MPHOSPH10: variants seen among roughly 807,000 people sequenced by gnomAD.
The protein encoded by MPHOSPH10 is U3 small nucleolar ribonucleoprotein MPP10.
Under a neutral mutation model 77.3 loss-of-function variants are expected in MPHOSPH10, and 33 were observed. The observed-to-expected ratio is 0.43, with a 90% confidence interval of 0.32 to 0.57. The LOEUF is 0.57. Ranked by LOEUF, MPHOSPH10 falls within the 20% of genes least tolerant of loss-of-function variation. MPHOSPH10 has a pLI of 0.07. For synonymous variants in MPHOSPH10, 245 were observed against 268.0 expected (o/e 0.91, Z 0.84); for missense variants, 708 against 780.1 (o/e 0.91, Z 1.10).
intron 9 of MPHOSPH10, 192 bp from the exon 10 acceptor site, chr2:71,149,031 G>T: frequency 1.6e-6 from 1 of 613,122 alleles, no homozygotes; most frequent in Non-Finnish European, 2.9e-6. Context: ...GCCTGTCAAA[G>T]AATGCATTTC....
intron 6 of MPHOSPH10, among the ~76,000 whole-genome samples, 196 bp from the exon 7 acceptor site, chr2:71,141,036 A>C (rs958148743): frequency 6.6e-6 from 1 of 151,396 alleles, no homozygotes; most frequent in African/African-American, 2.4e-5. Flanking sequence ...TCTTTTTGCT[A>C]TAATTTGCTT....
chr2:71,132,077 C>T (rs1387614819), intron 1 of MPHOSPH10, among the ~76,000 whole-genome samples: 1 of 152,158 alleles, frequency 6.6e-6, no homozygotes, highest in Non-Finnish European at 1.5e-5. Context: ...TTTCTCTATT[C>T]TATATCTAAT....
intron 4 of MPHOSPH10, 59 bp downstream of exon 4, chr2:71,134,856 A>AT: frequency 2.3e-6 from 3 of 1,315,336 alleles, no homozygotes; most frequent in Non-Finnish European, 2.1e-6. Flanking sequence ...TTTGAAAACT[A>AT]TTAACCATCC....
At chr2:71,145,544 A>C (rs1439668632) in intron 8 of MPHOSPH10, among the ~76,000 whole-genome samples, 1 of 149,958 alleles carries the variant, frequency 6.7e-6, no homozygotes, top group African/African-American at 2.5e-5. Flanking sequence ...CTTTTAATCC[A>C]GTTGTAATTA....
intron 7 of MPHOSPH10, among the ~76,000 whole-genome samples, chr2:71,141,802 G>A (rs1225666168): frequency 6.6e-6 from 1 of 152,122 alleles, no homozygotes; most frequent in Non-Finnish European, 1.5e-5. Context: ...GGCTGAGGCG[G>A]GCGGATTGCT....
At chr2:71,132,545 A>G (rs1673408552) in intron 1 of MPHOSPH10, among the ~76,000 whole-genome samples, 1 of 152,210 alleles carries the variant, frequency 6.6e-6, no homozygotes, top group Non-Finnish European at 1.5e-5. Flanking sequence ...TTCCTTGACC[A>G]CTGTAGCCAA....
At chr2:71,136,569 CA>C (rs35061775) in intron 4 of MPHOSPH10, among the ~76,000 whole-genome samples, 44,984 of 151,074 alleles carry the variant, frequency 0.3, 6,843 homozygotes, top group Admixed American at 0.39. Context: ...CCAAGAATAT[CA>C]AAAGAATTGT....
chr2:71,149,889 A>G lies in MPHOSPH10; in HGVS notation c.1920A>G (p.Leu640=). 6.4e-7 allele frequency: 1 copy of G among 1,566,364 alleles called. No individual in the cohort carries two copies. Among genetic ancestry groups the G allele is most frequent in the Non-Finnish European group, 8.6e-7 (1 of 1,165,738 alleles). The stretch of plus-strand genomic sequence containing the variant: ...AGGATGAAGGTAAAGACAAGGCCTT[A>G]AAGTCCTCTCAAGCATTCTTTTCTA... ...FIKDEGKDKA[L]KSSQAFFSKL... is the part of the protein sequence containing the mutation. The change falls in exon 11 of 11, where the codon TTA becomes TTG. Residue 640 remains leucine (L), a synonymous_variant. Transcript: ENST00000244230.
intron 9 of MPHOSPH10, 65 bp downstream of exon 9, chr2:71,148,171 T>C: frequency 7.3e-7 from 1 of 1,371,274 alleles, no homozygotes; most frequent in Non-Finnish European, 1.0e-6. Context: ...CCAGACTCCA[T>C]TTATTTGACG....
chr2:71,136,728 TAAAG>T (rs1194075859), intron 4 of MPHOSPH10, among the ~76,000 whole-genome samples: 3 of 151,458 alleles, frequency 2.0e-5, no homozygotes, highest in Admixed American at 1.3e-4. Flanking sequence ...CCCCAACAAA[TAAAG>T]AAAGAAAGGT....
intron 4 of MPHOSPH10, among the ~76,000 whole-genome samples, chr2:71,136,720 C>T (rs1673498686): frequency 6.6e-6 from 1 of 151,940 alleles, no homozygotes; most frequent in Non-Finnish European, 1.5e-5. Context: ...CCGCCCTTCC[C>T]CAACAAATAA....
rs369708059 is a variant in MPHOSPH10 at position 71,138,801 on chromosome 2, G to A, written c.1240+170G>A. ...TGTAATCCCGGCACTTTGGGAGGCC[G>A]AGGCAGACGGATCACCTGAGGTCAG... On this transcript the variant is annotated intron_variant, in intron 5 of 10. Coordinates refer to ENST00000244230, the MANE Select transcript of MPHOSPH10 (RefSeq NM_005791.3). 2.9e-4 allele frequency: 250 copies of A among 872,212 alleles called. 2 individuals carry two copies. The highest frequency in any genetic ancestry group is 4.0e-4 in the Non-Finnish European group (218 of 541,364). 54.0% of individuals were successfully genotyped at this position (872,212 alleles called of 1,614,324 possible). A position where few individuals can be genotyped will look rare whatever the true frequency, so the allele number is the denominator to read the frequency against.
chr2:71,133,779 A>AGT (rs1673433878), intron 2 of MPHOSPH10, among the ~76,000 whole-genome samples, 169 bp from the exon 3 acceptor site: 1 of 152,114 alleles, frequency 6.6e-6, no homozygotes, highest in Non-Finnish European at 1.5e-5. Flanking sequence ...ATTAGTTGCC[A>AGT]TTTTCACCTA....
intron 7 of MPHOSPH10, among the ~76,000 whole-genome samples, chr2:71,142,086 C>G (rs955467857): frequency 2.0e-5 from 3 of 152,098 alleles, no homozygotes; most frequent in Non-Finnish European, 4.4e-5. Flanking sequence ...GGACAAGGTC[C>G]TATTCCTAGG....
intron 7 of MPHOSPH10, among the ~76,000 whole-genome samples, chr2:71,142,728 G>A (rs542027825): frequency 2.6e-5 from 4 of 152,218 alleles, no homozygotes; most frequent in Non-Finnish European, 5.9e-5. Context: ...TGTGAGGTAC[G>A]TTAAAATAGT....
intron 4 of MPHOSPH10, among the ~76,000 whole-genome samples, chr2:71,135,671 G>A (rs951118769): frequency 6.6e-6 from 1 of 151,330 alleles, no homozygotes; most frequent in Non-Finnish European, 1.5e-5. Context: ...TGTTTTGGAG[G>A]ATACCACATA....
In MPHOSPH10 at chr2:71,134,733, G is replaced by T. The variant is rs757804866; in HGVS notation, c.1034G>T (p.Gly345Val). Residue 345 changes from glycine (G) to valine (V), a missense_variant, in exon 4 of 11, where the codon GGT becomes GTT. By Grantham distance (109) the Gly-to-Val change is moderately radical. Around this residue, in one of 3 missense-constraint regions of MPHOSPH10, gnomAD observed 433 missense variants for 432.6 expected, o/e 1.00. Coordinates refer to ENST00000244230, the MANE Select transcript of MPHOSPH10 (RefSeq NM_005791.3). ...LPDDAETEDT[G>V]VLNVKKNSDE... ...GATGATGCGGAAACTGAAGATACAG[G>T]TGTTTTAAATGTAAAGAAAAATTCT... is the stretch of plus-strand genomic sequence containing the variant. 1 of 1,610,614 alleles carries T rather than the reference G, an allele frequency of 6.2e-7. No homozygotes were observed. Among genetic ancestry groups the T allele is most frequent in the Non-Finnish European group, 8.5e-7 (1 of 1,178,234 alleles).
At chr2:71,136,220 C>G (rs1312864678) in intron 4 of MPHOSPH10, among the ~76,000 whole-genome samples, 2 of 151,984 alleles carry the variant, frequency 1.3e-5, no homozygotes, top group Non-Finnish European at 2.9e-5. Flanking sequence ...AAATTTTTAT[C>G]ACAATAAAAA....
intron 8 of MPHOSPH10, among the ~76,000 whole-genome samples, chr2:71,145,940 G>A (rs547382481): frequency 1.5e-4 from 23 of 152,308 alleles, no homozygotes; most frequent in East Asian, 7.7e-4. Context: ...CTTACCTAGG[G>A]TAGACTCCCC....
Sources: allele counts gnomAD v4.1 joint callset (sites outside exome capture counted in the v4.1 genomes callset), GRCh38; gene constraint gnomAD v4.1.1; regional missense constraint gnomAD v4.1.1; transcripts MANE v1.5; gene names NCBI Gene and HGNC (gene_info 2026-07-23, HGNC 2026-07-21).